The following FZR1 variants were observed in gnomAD, a reference collection of about 807,000 sequenced individuals.
The protein encoded by FZR1 is fizzy and cell division cycle 20 related 1, also known as fizzy-related protein homolog.
Under a neutral mutation model 63.6 loss-of-function variants are expected in FZR1, and 11 were observed. The observed-to-expected ratio is 0.17, with a 90% confidence interval of 0.11 to 0.29. The LOEUF is 0.29. Ranked by LOEUF, FZR1 falls within the 10% of genes least tolerant of loss-of-function variation. FZR1 has a pLI of 1.00. For missense variants in FZR1, 440 were observed against 687.5 expected, an observed-to-expected ratio of 0.64 and a Z score of 4.03; for synonymous variants, 328 against 297.9, an observed-to-expected ratio of 1.10 and a Z score of -1.04.
chr19:3,534,332 C>G, intron 12 of FZR1, 89 bp from the exon 13 acceptor site: 1 of 692,742 alleles, frequency 1.4e-6, no homozygotes, highest in Middle Eastern at 2.9e-4. Context: ...AGCCACCCGA[C>G]ACCTTGCTCC....
At position 3,526,900 on chromosome 19, in the gene FZR1, CG is replaced by C. The variant is rs2083164498; in HGVS notation, c.388-77del. 7.8e-5 allele frequency: 75 copies of C among 964,060 alleles called. No homozygotes were observed. In the South Asian group the frequency reaches 9.8e-4, roughly 13 times the overall value. 59.7% of individuals were successfully genotyped at this position (964,060 alleles called of 1,614,324 possible). A position where few individuals can be genotyped will look rare whatever the true frequency, so the allele number is the denominator to read the frequency against. On this transcript the variant is annotated intron_variant, in intron 5 of 13. Coordinates refer to ENST00000441788, the MANE Select transcript of FZR1 (RefSeq NM_016263.4). This position sits in a 1 kb window ranked among gnomAD's most constrained non-coding sequence, Gnocchi z 5.4. ...CCTGCCTTAGGGCTATGAGCTGTAC[CG>C]GGAGCGTGGGCTGCTGGGGGGCTCT... is the stretch of plus-strand genomic sequence containing the variant.
rs973933150 is a variant in FZR1 at position 3,533,145 on chromosome 19, A to C, written c.1243-149A>C. 1 of 645,036 alleles carries C rather than the reference A, an allele frequency of 1.6e-6. No homozygotes were observed. The highest frequency in any genetic ancestry group is 2.8e-6 in the Non-Finnish European group (1 of 356,594). 40.0% of individuals were successfully genotyped at this position (645,036 alleles called of 1,614,324 possible). The stretch of plus-strand genomic sequence containing the variant: ...CACCTCCTAGACAGACTCAGGTGGC[A>C]GAGCCACATCCCAGCATCCCCTGCT... On this transcript the variant is annotated intron_variant, in intron 11 of 13. Coordinates refer to ENST00000441788, the MANE Select transcript of FZR1 (RefSeq NM_016263.4). This position sits in a 1 kb window ranked among gnomAD's most constrained non-coding sequence, Gnocchi z 4.9.
At chr19:3,522,788 G>A (rs548172148) in intron 1 of FZR1, among the ~76,000 whole-genome samples, 168 bp from the exon 2 acceptor site, 31 of 152,262 alleles carry the variant, frequency 2.0e-4, no homozygotes, top group African/African-American at 7.5e-4. Flanking sequence ...GCCCAGGTTG[G>A]GGGAGCCTCA....
At chr19:3,506,627 C>T (rs930981565) in intron 1 of FZR1, among the ~76,000 whole-genome samples, 153 bp downstream of exon 1, 1 of 151,798 alleles carries the variant, frequency 6.6e-6, no homozygotes, top group Non-Finnish European at 1.5e-5. Flanking sequence ...TGCCGCCTCC[C>T]AGGCCGAACT....
intron 7 of FZR1, among the ~76,000 whole-genome samples, chr19:3,529,755 G>GGA (rs1228010603): frequency 3.7e-4 from 51 of 137,984 alleles, no homozygotes; most frequent in African/African-American, 5.8e-4. Context: ...TGAGCGCATG[G>GGA]GAGCGCATGG....
intron 1 of FZR1, among the ~76,000 whole-genome samples, chr19:3,507,165 C>G (rs1247535357): frequency 6.6e-6 from 1 of 150,808 alleles, no homozygotes; most frequent in East Asian, 2.0e-4. Context: ...AGCGTGCCCC[C>G]TACCAGCCCC....
At chr19:3,512,361 C>T (rs910125934) in intron 1 of FZR1, among the ~76,000 whole-genome samples, 1 of 152,180 alleles carries the variant, frequency 6.6e-6, no homozygotes, top group African/African-American at 2.4e-5. Context: ...AGACCTCATG[C>T]CTGATTTCAC....
Position 3,537,644 on chromosome 19 carries a change from G to A in FZR1, c.*2808G>A, listed in dbSNP as rs1171810064. On this transcript the variant is annotated 3_prime_UTR_variant, in exon 14 of 14. Transcript: ENST00000441788. ...GAGGCCGGGGGGCCGGGGGCTGCAG[G>A]GGAGGCTGTGGGGGTCCTGGCAGCC... The A allele has an allele frequency of 6.5e-6, 1 of 152,938 alleles. No homozygotes were observed. Among genetic ancestry groups the A allele is most frequent in the Non-Finnish European group, 1.5e-5 (1 of 68,774 alleles). The allele number at this position is 152,938 out of a possible 1,614,324, so 9.5% of individuals were successfully genotyped here. A position where few individuals can be genotyped will look rare whatever the true frequency, so the allele number is the denominator to read the frequency against.
chr19:3,534,557 T>C (rs2122033282), intron 13 of FZR1, 44 bp downstream of exon 13: 1 of 1,327,764 alleles, frequency 7.5e-7, no homozygotes, highest in Non-Finnish European at 1.1e-6. Flanking sequence ...CGCCCCAGCC[T>C]GTCCCAGGGT....
At position 3,525,047 on chromosome 19, in the gene FZR1, G is replaced by T. The variant is rs1455610433; in HGVS notation, c.70-821G>T. 1.3e-5 allele frequency among the ~76,000 whole-genome samples: 2 copies of T among 152,150 alleles called. No individual in the cohort carries two copies. ...AAGACGGCGCGGGGACAGTCAGATGGGGTTGGAGGGTTAGACGGGTGTTGT... is the reference window on the plus strand; with the variant it reads ...AAGACGGCGCGGGGACAGTCAGATGTGGTTGGAGGGTTAGACGGGTGTTGT... On this transcript the variant is annotated intron_variant, in intron 2 of 13. Coordinates refer to ENST00000441788, the MANE Select transcript of FZR1 (RefSeq NM_016263.4). This position sits in a 1 kb window ranked among gnomAD's most constrained non-coding sequence, Gnocchi z 4.2.
intron 8 of FZR1, 125 bp downstream of exon 8, chr19:3,530,982 G>C (rs1285255945): frequency 5.9e-6 from 4 of 678,734 alleles, no homozygotes; most frequent in Non-Finnish European, 1.0e-5. Flanking sequence ...GCATAGGTCT[G>C]TGTCCCCCAC....
rs527950219 is a variant in FZR1 at position 3,511,107 on chromosome 19, C to G, written c.-35+4633C>G. Among the ~76,000 whole-genome samples, 21 of 152,384 alleles carry G rather than the reference C, an allele frequency of 1.4e-4. No homozygotes were observed. In the East Asian group the frequency reaches 4.1e-3, roughly 29 times the overall value. On this transcript the variant is annotated intron_variant, in intron 1 of 13. Transcript: ENST00000441788. ...CTGAGAGACCACAGGCGTGGTGCCA[C>G]GCTGCCTTCCTCCTCACGTGGGGCA...
chr19:3,510,190 G>A (rs2083014741), intron 1 of FZR1, among the ~76,000 whole-genome samples: 1 of 152,098 alleles, frequency 6.6e-6, no homozygotes, highest in South Asian at 2.1e-4. Context: ...AGGCTGGAGT[G>A]CAGTGGCGCA....
chr19:3,506,492 G>T lies in FZR1; in HGVS notation c.-35+18G>T, dbSNP rs1420583557. The T allele has an allele frequency of 6.6e-6, 1 of 151,636 alleles. No individual in the cohort carries two copies. 9.4% of individuals were successfully genotyped at this position (151,636 alleles called of 1,614,324 possible). ...CGAGCCAGGTGAGGCGGCCGGGGTC[G>T]GGGACCCGCCCCCCGGGCCCTAGGC... On this transcript the variant is annotated intron_variant, in intron 1 of 13. Coordinates refer to ENST00000441788, the MANE Select transcript of FZR1 (RefSeq NM_016263.4).
rs2083144324 is a variant in FZR1 at position 3,525,432 on chromosome 19, C to CTTTTTTCTTTTT, written c.70-430_70-429insCTTTTTTTTTTT. On this transcript the variant is annotated intron_variant, in intron 2 of 13. Transcript: ENST00000441788. This position sits in a 1 kb window ranked among gnomAD's most constrained non-coding sequence, Gnocchi z 4.2. ...TGTGTGGCTCCCCTCCTTGGGTTTT[C>CTTTTTTCTTTTT]TTTTTTTTTTTTTTTTTTTTTTTTT... Among the ~76,000 whole-genome samples, 2 of 68,700 alleles carry CTTTTTTCTTTTT rather than the reference C, an allele frequency of 2.9e-5. No individual in the cohort carries two copies. The highest frequency in any genetic ancestry group is 1.2e-4 in the African/African-American group (2 of 16,514). The allele number at this position is 68,700 out of a possible 152,430, so 45.1% of individuals were successfully genotyped here. A position where few individuals can be genotyped will look rare whatever the true frequency, so the allele number is the denominator to read the frequency against.
intron 2 of FZR1, among the ~76,000 whole-genome samples, chr19:3,524,015 A>G (rs1414157465): frequency 4.6e-5 from 7 of 152,244 alleles, no homozygotes; most frequent in Middle Eastern, 3.2e-3. Flanking sequence ...CAGGGTCCCC[A>G]TTGGTAAAGG....
chr19:3,532,323 G>A, intron 10 of FZR1, 94 bp from the exon 11 acceptor site: 17 of 984,048 alleles, frequency 1.7e-5, no homozygotes, highest in Non-Finnish European at 2.4e-5. Context: ...GGAGTGTGGG[G>A]TGGGGTGCCA....
intron 2 of FZR1, among the ~76,000 whole-genome samples, chr19:3,524,606 A>G (rs1238445707): frequency 1.3e-5 from 2 of 152,112 alleles, no homozygotes; most frequent in Non-Finnish European, 2.9e-5. Context: ...TCCACCAGAG[A>G]GGCCGCAGAC....
intron 7 of FZR1, among the ~76,000 whole-genome samples, chr19:3,530,358 G>A (rs2083231292): frequency 7.2e-6 from 1 of 138,924 alleles, no homozygotes; most frequent in Admixed American, 7.0e-5. Flanking sequence ...GCAGAAGGGA[G>A]AGCGGATGGG....
Sources: gnomAD v4.1 joint callset for allele counts (sites outside exome capture counted in the v4.1 genomes callset) on GRCh38, gnomAD v4.1.1 for gene constraint, Gnocchi (gnomAD v3.1) non-coding constraint, MANE v1.5 for transcripts, NCBI Gene and HGNC (gene_info 2026-07-23, HGNC 2026-07-21) for gene names.